WDR70: variants seen among roughly 807,000 people sequenced by gnomAD.
WDR70 encodes the protein WD repeat-containing protein 70.
WDR70 carries 53 observed loss-of-function variants against 88.6 expected under a neutral mutation model. The ratio of observed to expected loss-of-function variants is 0.60; its 90% CI spans 0.48 to 0.75. The LOEUF (loss-of-function observed/expected upper bound fraction) is 0.75. Among genes scored for constraint, WDR70 ranks in the 30% least tolerant of loss-of-function variants. The pLI is 0.00. For synonymous variants in WDR70, 280 were observed against 270.0 expected, an observed-to-expected ratio of 1.04 and a Z score of -0.36; for missense variants, 610 against 823.2, an observed-to-expected ratio of 0.74 and a Z score of 3.17.
intron 10 of WDR70, among the ~76,000 whole-genome samples, chr5:37,642,864 C>T (rs548042626): frequency 1.1e-4 from 16 of 152,042 alleles, no homozygotes; most frequent in East Asian, 5.8e-4. Context: ...CAATTGTTTG[C>T]GCTCCTTACC....
At chr5:37,380,344 C>CT (rs1379113159) in intron 2 of WDR70, among the ~76,000 whole-genome samples, 79 of 146,962 alleles carry the variant, frequency 5.4e-4, no homozygotes, top group Admixed American at 7.5e-4. Flanking sequence ...TCTATTCATT[C>CT]TTTTTTTTTT....
At chr5:37,411,515 C>T (rs1010452646) in intron 5 of WDR70, among the ~76,000 whole-genome samples, 2 of 152,090 alleles carry the variant, frequency 1.3e-5, no homozygotes, top group African/African-American at 4.8e-5. Flanking sequence ...CAGTTGAGGT[C>T]ATGAGTTCAA....
At chr5:37,421,848 A>G (rs1376573954) in intron 5 of WDR70, among the ~76,000 whole-genome samples, 1 of 151,534 alleles carries the variant, frequency 6.6e-6, no homozygotes, top group African/African-American at 2.4e-5. Context: ...TTTCAGAAAT[A>G]GGAAAAATGG....
chr5:37,395,180 C>T (rs912813016), intron 4 of WDR70, among the ~76,000 whole-genome samples: 11 of 152,018 alleles, frequency 7.2e-5, no homozygotes, highest in Non-Finnish European at 1.3e-4. Flanking sequence ...TCAACTCTGG[C>T]GGCAGGTGGA....
At chr5:37,479,273 T>G (rs367624131) in intron 7 of WDR70, among the ~76,000 whole-genome samples, 2 of 151,650 alleles carry the variant, frequency 1.3e-5, no homozygotes, top group Admixed American at 1.3e-4. Flanking sequence ...GTTGGAGATA[T>G]AAGGTAATTA....
chr5:37,425,627 T>C (rs918816954), intron 5 of WDR70, among the ~76,000 whole-genome samples: 1 of 152,216 alleles, frequency 6.6e-6, no homozygotes, highest in Non-Finnish European at 1.5e-5. Context: ...GGAGGACCTG[T>C]AGGCAATTGT....
chr5:37,459,334 C>A (rs1445233691), intron 7 of WDR70, among the ~76,000 whole-genome samples: 1 of 147,668 alleles, frequency 6.8e-6, no homozygotes, highest in Non-Finnish European at 1.5e-5. Context: ...CTGTAGATGT[C>A]TATTAGGTCC....
At chr5:37,505,416 G>C (rs1740530150) in intron 8 of WDR70, among the ~76,000 whole-genome samples, 1 of 152,024 alleles carries the variant, frequency 6.6e-6, no homozygotes, top group East Asian at 1.9e-4. Context: ...CTTGCCTCTG[G>C]TATTGAGTGG....
chr5:37,703,384 G>A (rs1747222715), intron 13 of WDR70, among the ~76,000 whole-genome samples: 1 of 152,196 alleles, frequency 6.6e-6, no homozygotes, highest in Non-Finnish European at 1.5e-5. Context: ...GATACAGAAA[G>A]GAGCATCCCA....
chr5:37,393,074 A>T (rs7702907), intron 4 of WDR70, among the ~76,000 whole-genome samples: 1 of 150,442 alleles, frequency 6.6e-6, no homozygotes, highest in African/African-American at 2.4e-5. Context: ...TTGGAGTCTC[A>T]CTCTGTTGCC....
chr5:37,721,274 C>T (rs1747807468), intron 14 of WDR70, 59 bp downstream of exon 14: 3 of 1,431,688 alleles, frequency 2.1e-6, no homozygotes, highest in African/African-American at 2.8e-5. Flanking sequence ...GAGGGATTTC[C>T]CTCCCACCCC....
At chr5:37,452,103 TTC>T (rs1738694365) in intron 7 of WDR70, among the ~76,000 whole-genome samples, 1 of 152,214 alleles carries the variant, frequency 6.6e-6, no homozygotes, top group South Asian at 2.1e-4. Flanking sequence ...TTGTTCTAGT[TTC>T]TGATTGTAAC....
intron 9 of WDR70, among the ~76,000 whole-genome samples, chr5:37,526,566 C>G (rs1373007036): frequency 6.6e-6 from 1 of 152,174 alleles, no homozygotes; most frequent in Non-Finnish European, 1.5e-5. Context: ...CCTTTGAAAA[C>G]TGCCACAAGA....
intron 5 of WDR70, among the ~76,000 whole-genome samples, chr5:37,420,659 G>A (rs1218754180): frequency 2.0e-5 from 3 of 152,052 alleles, no homozygotes; most frequent in Non-Finnish European, 4.4e-5. Flanking sequence ...CCGAACTCAT[G>A]GCTTTAAATG....
chr5:37,432,272 T>G (rs1344744589), intron 5 of WDR70, among the ~76,000 whole-genome samples: 2 of 151,676 alleles, frequency 1.3e-5, no homozygotes, highest in Admixed American at 1.3e-4. Flanking sequence ...GAAGTGATAT[T>G]TCATTGTGCT....
intron 9 of WDR70, among the ~76,000 whole-genome samples, chr5:37,516,812 C>T (rs879680818): frequency 2.0e-5 from 3 of 150,720 alleles, no homozygotes; most frequent in African/African-American, 4.9e-5. Context: ...ACCTCCAGCT[C>T]CTGGGTTCAA....
intron 10 of WDR70, among the ~76,000 whole-genome samples, chr5:37,616,526 A>T (rs991051796): frequency 6.6e-6 from 1 of 152,114 alleles, no homozygotes; most frequent in Admixed American, 6.5e-5. Context: ...TGCCTCTCCC[A>T]CAAGCCCCCC....
chr5:37,752,613 T>A lies in WDR70; in HGVS notation c.*40T>A. The A allele has an allele frequency of 2.1e-6, 3 of 1,420,046 alleles. No homozygotes were observed. The highest frequency in any genetic ancestry group is 1.4e-5 in the African/African-American group (1 of 69,502). The allele number at this position is 1,420,046 out of a possible 1,614,324, so 88.0% of individuals were successfully genotyped here. ...GAGCTGTTTGCATGAGTGGGAGGGG[T>A]ATGGGACAGGTTTGGGTTTTTTTTT... On this transcript the variant is annotated 3_prime_UTR_variant, in exon 18 of 18. Transcript: ENST00000265107.
intron 9 of WDR70, among the ~76,000 whole-genome samples, chr5:37,525,089 G>C (rs1741220488): frequency 2.0e-5 from 3 of 152,056 alleles, no homozygotes; most frequent in African/African-American, 7.2e-5. Flanking sequence ...AAGTTAAAAA[G>C]GATATCCAGG....
Sources: gnomAD v4.1 joint callset for allele counts (sites outside exome capture counted in the v4.1 genomes callset) on GRCh38, gnomAD v4.1.1 for gene constraint, MANE v1.5 for transcripts, NCBI Gene and HGNC (gene_info 2026-07-23, HGNC 2026-07-21) for gene names.